Variants in CASC3 observed in about 807,000 individuals in gnomAD.
CASC3 encodes protein CASC3.
In CASC3, 30 loss-of-function variants were observed where a neutral mutation model predicts 80.5. The observed-to-expected ratio is 0.37, with a 90% CI of 0.28 to 0.51. The LOEUF (loss-of-function observed/expected upper bound fraction) is 0.51. CASC3 is among the 20% of genes least tolerant of loss of function. The pLI is 0.94. For synonymous variants in CASC3, 312 were observed against 333.6 expected (o/e 0.94, Z 0.70); for missense variants, 824 against 922.2 (o/e 0.89, Z 1.38).
chr17:40,168,064 G>T, intron 10 of CASC3, 116 bp downstream of exon 10: 1 of 1,301,000 alleles, frequency 7.7e-7, no homozygotes. Context: ...GGCCATCCTG[G>T]CTGCTTGGGC....
chr17:40,155,475 C>T (rs570051560), intron 3 of CASC3, among the ~76,000 whole-genome samples: 1 of 152,214 alleles, frequency 6.6e-6, no homozygotes. Flanking sequence ...TAAAGCATAG[C>T]AGTTCTAGGT....
In CASC3 at chr17:40,167,487, C is replaced by CT. The variant is rs1179901499; in HGVS notation, c.1537-8dup. The CT allele has an allele frequency of 5.6e-6, 9 of 1,607,152 alleles. No homozygotes were observed. Among genetic ancestry groups the CT allele is most frequent in the Non-Finnish European group, 7.7e-6 (9 of 1,174,114 alleles). On this transcript the variant is annotated splice_polypyrimidine_tract_variant and intron_variant, in intron 8 of 13. Coordinates refer to ENST00000264645, the MANE Select transcript of CASC3 (RefSeq NM_007359.5). ...GAATTCTTATTGTTTAGGCCTCTTT[C>CT]TTTGTCTCAGGGTGTCCAGGGTGGT...
At chr17:40,156,673 A>T (rs2145168178) in intron 3 of CASC3, among the ~76,000 whole-genome samples, 1 of 152,104 alleles carries the variant, frequency 6.6e-6, no homozygotes, top group South Asian at 2.1e-4. Flanking sequence ...GGGGCGACAG[A>T]GTGAGACTCC....
intron 3 of CASC3, among the ~76,000 whole-genome samples, chr17:40,147,161 G>A: frequency 6.6e-6 from 1 of 152,186 alleles, no homozygotes; most frequent in Non-Finnish European, 1.5e-5. Flanking sequence ...TTGTGGGTGA[G>A]GCACAAAGGA....
chr17:40,169,480 G>T, intron 12 of CASC3, 34 bp downstream of exon 12: 1 of 1,588,904 alleles, frequency 6.3e-7, no homozygotes, highest in Non-Finnish European at 8.5e-7. Context: ...TAATGCACAT[G>T]CTCCGTCAGT....
rs1429067877 is a variant in CASC3 at position 40,144,822 on chromosome 17, A to G, written c.297+3215A>G. Among the ~76,000 whole-genome samples the G allele has an allele frequency of 2.1e-5, 3 of 141,976 alleles. No individual in the cohort carries two copies. The East Asian group carries it at 6.3e-4, about 30-fold the overall frequency. The allele number at this position is 141,976 out of a possible 152,430, so 93.1% of individuals were successfully genotyped here. On this transcript the variant is annotated intron_variant, in intron 3 of 13. Coordinates refer to ENST00000264645, the MANE Select transcript of CASC3 (RefSeq NM_007359.5). ...CTCCTGAAGTGCTGAGATTACAAGC[A>G]TGAGCCACCATACCCAGCCAAAAAA...
intron 3 of CASC3, among the ~76,000 whole-genome samples, chr17:40,152,038 G>A (rs746196370): frequency 2.6e-5 from 4 of 152,110 alleles, no homozygotes; most frequent in Admixed American, 2.0e-4. Flanking sequence ...GCTAATTAAC[G>A]TATCTATCAC....
intron 11 of CASC3, chr17:40,169,056 G>T: frequency 2.8e-6 from 1 of 361,280 alleles, no homozygotes; most frequent in Non-Finnish European, 5.0e-6. Context: ...CTGTAGTGTC[G>T]CTACTGAACT....
chr17:40,157,625 AGATC>A (rs1989186262), intron 3 of CASC3, among the ~76,000 whole-genome samples: 1 of 152,126 alleles, frequency 6.6e-6, no homozygotes, highest in South Asian at 2.1e-4. Context: ...CAGTGAGCTG[AGATC>A]GCGCCATTGC....
In CASC3 at chr17:40,163,461, C is replaced by T. The variant is rs201811717; in HGVS notation, c.786-20C>T. ...CCTTTTGTTAATTTCCTAACAGTTT[C>T]TTCATTCCATTTTTTGTAGATATGG... On this transcript the variant is annotated intron_variant, in intron 6 of 13. Coordinates refer to ENST00000264645, the MANE Select transcript of CASC3 (RefSeq NM_007359.5). The T allele has an allele frequency of 8.9e-5, 142 of 1,589,664 alleles. No homozygotes were observed. Among genetic ancestry groups the T allele is most frequent in the Non-Finnish European group, 4.2e-5 (49 of 1,168,562 alleles).
intron 9 of CASC3, 24 bp downstream of exon 9, chr17:40,167,636 G>C (rs527441986): frequency 1.3e-6 from 2 of 1,572,926 alleles, no homozygotes; most frequent in East Asian, 4.5e-5. Flanking sequence ...TACTGTTGGG[G>C]TACTTTTCTT....
chr17:40,157,873 AAAG>A (rs1989192494), intron 3 of CASC3, among the ~76,000 whole-genome samples: 1 of 152,204 alleles, frequency 6.6e-6, no homozygotes, highest in East Asian at 1.9e-4. Flanking sequence ...AAGCTAGAGA[AAAG>A]AAAATGTTAT....
At chr17:40,148,709 C>G (rs141302849) in intron 3 of CASC3, among the ~76,000 whole-genome samples, 1 of 152,208 alleles carries the variant, frequency 6.6e-6, no homozygotes, top group East Asian at 1.9e-4. Flanking sequence ...TGTGCTTTCC[C>G]TTGACTGCCT....
chr17:40,169,811 A>C (rs1298478349), intron 13 of CASC3, 149 bp downstream of exon 13: 2 of 472,072 alleles, frequency 4.2e-6, no homozygotes, highest in Middle Eastern at 5.9e-4. Flanking sequence ...GCTGGAGTGC[A>C]GTGGTGCAAT....
chr17:40,169,741 GCTTTTTT>G, intron 13 of CASC3, 79 bp downstream of exon 13: 1 of 109,550 alleles, frequency 9.1e-6, no homozygotes, highest in Non-Finnish European at 1.6e-5. Flanking sequence ...CTTAATTAAT[GCTTTTTT>G]TTTTTTTTTT....
chr17:40,154,494 A>G (rs545130694), intron 3 of CASC3, among the ~76,000 whole-genome samples: 1 of 151,894 alleles, frequency 6.6e-6, no homozygotes, highest in East Asian at 1.9e-4. Context: ...TCAGCCTCCC[A>G]AAGTGCTGGG....
intron 10 of CASC3, 51 bp downstream of exon 10, chr17:40,167,999 T>A: frequency 1.9e-6 from 3 of 1,552,930 alleles, no homozygotes; most frequent in Middle Eastern, 1.7e-4. Context: ...GGATATATGT[T>A]GGGAGTGCCA....
At position 40,152,348 on chromosome 17, in the gene CASC3, T is replaced by C. The variant is rs188987527; in HGVS notation, c.298-9405T>C. On this transcript the variant is annotated intron_variant, in intron 3 of 13. Coordinates refer to ENST00000264645, the MANE Select transcript of CASC3 (RefSeq NM_007359.5). Reference sequence around the variant, plus strand: ...TTTTTATTTTTTTTTTGAGACGGAGTTTCACTCTTGTTGCCCAGGCTGGAG... The same window carrying C: ...TTTTTATTTTTTTTTTGAGACGGAGCTTCACTCTTGTTGCCCAGGCTGGAG... Among the ~76,000 whole-genome samples, 294 of 151,270 alleles carry C rather than the reference T, an allele frequency of 1.9e-3. 2 individuals carry two copies. Among genetic ancestry groups the C allele is most frequent in the African/African-American group, 6.5e-3 (268 of 41,194 alleles).
intron 3 of CASC3, among the ~76,000 whole-genome samples, chr17:40,149,271 G>A (rs968720793): frequency 2.6e-5 from 4 of 151,780 alleles, no homozygotes; most frequent in Non-Finnish European, 5.9e-5. Flanking sequence ...CATTTTCTGA[G>A]AGTCTTCCAA....
Sources: gnomAD v4.1 joint callset for allele counts (sites outside exome capture counted in the v4.1 genomes callset) on GRCh38, gnomAD v4.1.1 for gene constraint, MANE v1.5 for transcripts, NCBI Gene and HGNC (gene_info 2026-07-23, HGNC 2026-07-21) for gene names.